The following FRMD7 variants were observed in gnomAD, a reference collection of about 807,000 sequenced individuals.
FRMD7 encodes the protein FERM domain containing 7, also known as FERM domain-containing protein 7.
In FRMD7, 14 loss-of-function variants were observed where a neutral mutation model predicts 44.1. The ratio of observed to expected loss-of-function variants is 0.32; its 90% confidence interval spans 0.21 to 0.50. FRMD7 has a LOEUF of 0.50. FRMD7 is among the 20% of genes least tolerant of loss of function. The pLI, the probability that FRMD7 is intolerant of heterozygous loss-of-function variation, is 0.99. For missense variants in FRMD7, 501 were observed against 522.3 expected, an observed-to-expected ratio of 0.96 and a Z score of 0.40; for synonymous variants, 212 against 187.4, an observed-to-expected ratio of 1.13 and a Z score of -1.07.
intron 2 of FRMD7, among the ~76,000 whole-genome samples, 194 bp from the exon 3 acceptor site, chrX:132,099,704 CA>C (rs1272835560): frequency 1.8e-5 from 2 of 112,115 alleles, no homozygotes. Context: ...TTCCCGATGA[CA>C]GTGAACATTG....
At chrX:132,086,157 C>A in intron 5 of FRMD7, 123 bp from the exon 6 acceptor site, 1 of 527,842 alleles carries the variant, frequency 1.9e-6, no homozygotes. Flanking sequence ...TCCAAAGCCT[C>A]CAACCCCACG....
At chrX:132,111,891 G>A (rs903304186) in intron 1 of FRMD7, among the ~76,000 whole-genome samples, 3 of 112,135 alleles carry the variant, frequency 2.7e-5, no homozygotes, top group Non-Finnish European at 3.8e-5. Flanking sequence ...ATCAATAGGT[G>A]TGCACCTTAT....
At chrX:132,112,676 C>A (rs191258011) in intron 1 of FRMD7, among the ~76,000 whole-genome samples, 1 of 111,554 alleles carries the variant, frequency 9.0e-6, no homozygotes, top group Non-Finnish European at 1.9e-5. Context: ...GCCCACGTGA[C>A]TATCCTGGGG....
At chrX:132,104,382 A>G (rs768990808) in intron 1 of FRMD7, among the ~76,000 whole-genome samples, 32 of 111,427 alleles carry the variant, frequency 2.9e-4, no homozygotes, top group Non-Finnish European at 5.8e-4. Flanking sequence ...AATGCATTCT[A>G]TTCCCTCTTT....
At chrX:132,111,185 AT>A (rs1928769531) in intron 1 of FRMD7, among the ~76,000 whole-genome samples, 1 of 112,386 alleles carries the variant, frequency 8.9e-6, no homozygotes, top group Admixed American at 9.4e-5. Flanking sequence ...AAAAAGAAAA[AT>A]AAATATAAAA....
chrX:132,119,037 T>C (rs1411428374), intron 1 of FRMD7, among the ~76,000 whole-genome samples: 1 of 111,935 alleles, frequency 8.9e-6, no homozygotes, highest in African/African-American at 3.3e-5. Flanking sequence ...TCCTTTCCAC[T>C]GTCATTTGTA....
intron 1 of FRMD7, among the ~76,000 whole-genome samples, chrX:132,120,849 C>T (rs1448108063): frequency 3.6e-5 from 4 of 112,305 alleles, no homozygotes; most frequent in Admixed American, 9.4e-5. Flanking sequence ...AGGATATGAA[C>T]GACAGAGGAA....
intron 1 of FRMD7, among the ~76,000 whole-genome samples, chrX:132,123,307 AT>A (rs1482702954): frequency 9.0e-6 from 1 of 111,356 alleles, no homozygotes; most frequent in African/African-American, 3.3e-5. Context: ...CCAAATATAC[AT>A]TACCTAATTT....
Position 132,082,536 on chromosome X carries a change from C to G in FRMD7, c.742-10G>C, listed in dbSNP as rs1927852746. 8.4e-7 allele frequency: 1 copy of G among 1,194,852 alleles called. No individual in the cohort carries two copies. The highest frequency in any genetic ancestry group is 2.2e-5 in the Admixed American group (1 of 46,029). The stretch of plus-strand genomic sequence containing the variant: ...TATCCTTGCACAACACCTGTATAAA[C>G]CAATTTCCATTAAGTAAAACATCCT... On this transcript the variant is annotated splice_polypyrimidine_tract_variant and intron_variant, in intron 8 of 11. Transcript: ENST00000298542.
At chrX:132,086,206 T>C (rs918666424) in intron 5 of FRMD7, among the ~76,000 whole-genome samples, 172 bp from the exon 6 acceptor site, 3 of 108,612 alleles carry the variant, frequency 2.8e-5, no homozygotes, top group African/African-American at 1.0e-4. Flanking sequence ...GTGTGTGTGT[T>C]TGGGGGGGGC....
chrX:132,101,165 A>G (rs1928488015), intron 1 of FRMD7, among the ~76,000 whole-genome samples: 1 of 109,868 alleles, frequency 9.1e-6, no homozygotes, highest in Admixed American at 9.7e-5. Flanking sequence ...CAGGAGACCC[A>G]GTTCTCTCTC....
At chrX:132,082,560 C>G (rs913812689) in intron 8 of FRMD7, 34 bp from the exon 9 acceptor site, 1 of 1,133,443 alleles carries the variant, frequency 8.8e-7, no homozygotes, top group African/African-American at 1.8e-5. Flanking sequence ...GTAAAACATC[C>G]TTCAAGAATA....
intron 5 of FRMD7, among the ~76,000 whole-genome samples, chrX:132,090,619 A>T (rs2124233696): frequency 9.0e-6 from 1 of 111,503 alleles, no homozygotes; most frequent in African/African-American, 3.3e-5. Flanking sequence ...GAAATGTTTT[A>T]AAACTGGATT....
At position 132,080,063 on chromosome X, in the gene FRMD7, C is replaced by T; in HGVS notation, c.993G>A (p.Gln331=). The stretch of plus-strand genomic sequence containing the variant: ...AGGACCTGCACTGTCGTTCATGGTA[C>T]TGAGATGGGTAATGTTTCCTGAAAT... ...LPFERKHYPS[Q]YHERQCRSSP... is the part of the protein sequence containing the mutation. The change falls in exon 11 of 12, where the codon CAG becomes CAA. Residue 331 remains glutamine (Q), a synonymous_variant. Transcript: ENST00000298542. The T allele has an allele frequency of 1.7e-6, 2 of 1,198,811 alleles. No homozygotes were observed. The highest frequency in any genetic ancestry group is 2.3e-6 in the Non-Finnish European group (2 of 883,698).
chrX:132,123,549 G>C (rs920880715), intron 1 of FRMD7, among the ~76,000 whole-genome samples: 17 of 111,938 alleles, frequency 1.5e-4, no homozygotes, highest in Non-Finnish European at 3.2e-4. Flanking sequence ...CTTCATCATC[G>C]CAAATTTAAA....
intron 10 of FRMD7, 52 bp downstream of exon 10, chrX:132,080,146 T>C: frequency 8.9e-7 from 1 of 1,124,985 alleles, no homozygotes; most frequent in Non-Finnish European, 1.2e-6. Flanking sequence ...TACATAGAAA[T>C]CTCCAAATTC....
intron 7 of FRMD7, 38 bp from the exon 8 acceptor site, chrX:132,084,623 A>G: frequency 1.2e-6 from 1 of 853,947 alleles, no homozygotes; most frequent in East Asian, 3.1e-5. Flanking sequence ...GAATGTATTA[A>G]CAAGAGTTGG....
chrX:132,086,213 G>T (rs1458562987), intron 5 of FRMD7, among the ~76,000 whole-genome samples, 179 bp from the exon 6 acceptor site: 1 of 110,506 alleles, frequency 9.0e-6, no homozygotes, highest in Non-Finnish European at 1.9e-5. Flanking sequence ...TGTTTGGGGG[G>T]GGCAATTGGC....
At chrX:132,079,450 A>AT (rs1414415459) in intron 11 of FRMD7, among the ~76,000 whole-genome samples, 1 of 111,926 alleles carries the variant, frequency 8.9e-6, no homozygotes, top group Non-Finnish European at 1.9e-5. Flanking sequence ...TGCCTTTTGG[A>AT]TAAAAACTGC....
Sources: allele counts gnomAD v4.1 joint callset (sites outside exome capture counted in the v4.1 genomes callset), GRCh38; gene constraint gnomAD v4.1.1; transcripts MANE v1.5; gene names NCBI Gene and HGNC (gene_info 2026-07-23, HGNC 2026-07-21).